The following TENM4 variants were observed in gnomAD, a reference collection of about 807,000 sequenced individuals.
TENM4 encodes the protein teneurin-4.
A neutral mutation model predicts 243.3 loss-of-function variants in TENM4; 82 were observed. The observed-to-expected ratio is 0.34, with a 90% CI of 0.28 to 0.40. TENM4 has a LOEUF of 0.40. Ranked by LOEUF, TENM4 falls within the 10% of genes least tolerant of loss-of-function variation. The pLI is 1.00. For synonymous variants in TENM4, 1,412 were observed against 1,456.3 expected, an observed-to-expected ratio of 0.97 and a Z score of 0.69; for missense variants, 3,138 against 3,673.3, an observed-to-expected ratio of 0.85 and a Z score of 3.77.
At chr11:78,757,066 C>A in intron 18 of TENM4, 45 bp from the exon 19 acceptor site, 1 of 1,559,510 alleles carries the variant, frequency 6.4e-7, no homozygotes, top group Non-Finnish European at 8.7e-7. Context: ...TATGTTCAAT[C>A]AGCCATGTTT....
At position 78,905,984 on chromosome 11, in the gene TENM4, C is replaced by T. The variant is rs1443228811; in HGVS notation, c.494-2461G>A. On this transcript the variant is annotated intron_variant, in intron 6 of 33. Coordinates refer to ENST00000278550, the MANE Select transcript of TENM4 (RefSeq NM_001098816.3). The stretch of plus-strand genomic sequence containing the variant: ...GACTGAATGTTCTTCCCAGCCTTGG[C>T]CTTTCAGGCTGCTGGCAGTAGTTCA... Among the ~76,000 whole-genome samples, 3 of 152,334 alleles carry T rather than the reference C, an allele frequency of 2.0e-5. No homozygotes were observed. The East Asian group carries it at 5.8e-4, about 29-fold the overall frequency.
At chr11:78,900,238 A>C (rs1158357641) in intron 7 of TENM4, among the ~76,000 whole-genome samples, 1 of 152,256 alleles carries the variant, frequency 6.6e-6, no homozygotes, top group African/African-American at 2.4e-5. Context: ...TAATCACAGC[A>C]GAAAGTGACT....
intron 1 of TENM4, among the ~76,000 whole-genome samples, chr11:79,437,430 GA>G (rs1859295908): frequency 1.3e-5 from 2 of 151,864 alleles, no homozygotes; most frequent in African/African-American, 4.8e-5. Flanking sequence ...GCGCGGCCGG[GA>G]CCCTGCACTG....
At chr11:79,105,143 G>A (rs1196449585) in intron 4 of TENM4, among the ~76,000 whole-genome samples, 1 of 152,128 alleles carries the variant, frequency 6.6e-6, no homozygotes, top group Non-Finnish European at 1.5e-5. Flanking sequence ...ATTTCAGTTC[G>A]AAAGGGTGAA....
intron 2 of TENM4, among the ~76,000 whole-genome samples, chr11:79,255,161 A>G (rs537229591): frequency 7.9e-5 from 12 of 152,262 alleles, no homozygotes; most frequent in African/African-American, 2.6e-4. Flanking sequence ...TGAAGAGGAA[A>G]AATAAAGATG....
chr11:79,248,204 G>A (rs899334203), intron 2 of TENM4, among the ~76,000 whole-genome samples: 5 of 152,146 alleles, frequency 3.3e-5, no homozygotes, highest in Admixed American at 1.3e-4. Flanking sequence ...AGATACCTGC[G>A]CAAAGCTCCC....
At chr11:79,183,391 T>C (rs1289347506) in intron 3 of TENM4, among the ~76,000 whole-genome samples, 1 of 152,040 alleles carries the variant, frequency 6.6e-6, no homozygotes, top group Non-Finnish European at 1.5e-5. Context: ...TTGCCAGGGA[T>C]TGGAGGGAGG....
intron 6 of TENM4, among the ~76,000 whole-genome samples, chr11:78,995,714 A>G (rs1325432177): frequency 6.6e-6 from 1 of 150,640 alleles, no homozygotes; most frequent in African/African-American, 2.4e-5. Flanking sequence ...TTTTCTTAAT[A>G]TATGACATTG....
chr11:79,213,624 G>C (rs1863992905), intron 3 of TENM4, among the ~76,000 whole-genome samples: 1 of 152,206 alleles, frequency 6.6e-6, no homozygotes, highest in African/African-American at 2.4e-5. Flanking sequence ...CCCATGTGGG[G>C]ATGAGCAGCC....
chr11:79,305,557 G>C (rs1481285832), intron 1 of TENM4, among the ~76,000 whole-genome samples: 1 of 152,182 alleles, frequency 6.6e-6, no homozygotes, highest in Non-Finnish European at 1.5e-5. Flanking sequence ...CAAAAGGTCT[G>C]TGGCAAGAGG....
intron 2 of TENM4, among the ~76,000 whole-genome samples, chr11:79,275,257 G>A (rs969035106): frequency 8.4e-4 from 126 of 150,168 alleles, no homozygotes; most frequent in African/African-American, 1.8e-3. Flanking sequence ...GTGTGCGCGC[G>A]CATGCGGGCA....
intron 12 of TENM4, among the ~76,000 whole-genome samples, chr11:78,823,715 C>T (rs543956036): frequency 6.6e-6 from 1 of 152,090 alleles, no homozygotes; most frequent in Non-Finnish European, 1.5e-5. Flanking sequence ...CTTCTCGGTG[C>T]CTATTTTCGT....
intron 27 of TENM4, among the ~76,000 whole-genome samples, chr11:78,706,701 T>A (rs1197619161): frequency 2.0e-5 from 3 of 152,238 alleles, no homozygotes; most frequent in Non-Finnish European, 4.4e-5. Context: ...ATCCGGCTGC[T>A]TGGCAGTACC....
rs190502843 is a variant in TENM4 at position 79,022,275 on chromosome 11, G to C, written c.493+42463C>G. On this transcript the variant is annotated intron_variant, in intron 6 of 33. Transcript: ENST00000278550. ...TTGCAGATGATGAAACTGAGGTTCAGAGAGGCCCAATAGTCGACACAAAAC... is the reference window on the plus strand; with the variant it reads ...TTGCAGATGATGAAACTGAGGTTCACAGAGGCCCAATAGTCGACACAAAAC... 9.2e-5 allele frequency among the ~76,000 whole-genome samples: 14 copies of C among 152,334 alleles called. 1 individual carries two copies.
At chr11:78,990,706 G>A (rs1018858965) in intron 6 of TENM4, among the ~76,000 whole-genome samples, 3 of 152,150 alleles carry the variant, frequency 2.0e-5, no homozygotes, top group African/African-American at 7.2e-5. Context: ...ACGACAGGAT[G>A]GGTGTTGATG....
intron 3 of TENM4, among the ~76,000 whole-genome samples, chr11:79,184,667 G>A (rs759999526): frequency 7.2e-5 from 11 of 152,130 alleles, no homozygotes; most frequent in South Asian, 2.1e-4. Flanking sequence ...ACCTAGAGCC[G>A]TCAAATTCCC....
At chr11:79,344,606 C>G (rs1413951197) in intron 1 of TENM4, among the ~76,000 whole-genome samples, 2 of 152,216 alleles carry the variant, frequency 1.3e-5, no homozygotes, top group Non-Finnish European at 2.9e-5. Context: ...GACCAACATG[C>G]AAGAGTGCAG....
At chr11:78,935,718 T>G (rs567376) in intron 6 of TENM4, among the ~76,000 whole-genome samples, 148,025 of 152,328 alleles carry the variant, frequency 0.97, 72,037 homozygotes, top group Non-Finnish European at 0.99. Context: ...TGATAACAAT[T>G]ATACCAAGAC....
chr11:79,159,878 C>A (rs1015730728), intron 3 of TENM4, among the ~76,000 whole-genome samples: 2 of 152,164 alleles, frequency 1.3e-5, no homozygotes, highest in Non-Finnish European at 1.5e-5. Flanking sequence ...ATATTCAGTT[C>A]CCCCAATTTT....
Sources: gnomAD v4.1 joint callset for allele counts (sites outside exome capture counted in the v4.1 genomes callset) on GRCh38, gnomAD v4.1.1 for gene constraint, MANE v1.5 for transcripts, NCBI Gene and HGNC (gene_info 2026-07-23, HGNC 2026-07-21) for gene names.